TTLL5: variants seen among roughly 807,000 people sequenced by gnomAD.
TTLL5 encodes the protein tubulin polyglutamylase TTLL5.
TTLL5 carries 132 observed loss-of-function variants against 168.4 expected under a neutral mutation model. That is an observed-to-expected ratio of 0.78 (90% CI 0.68 to 0.91). The LOEUF (loss-of-function observed/expected upper bound fraction) is 0.91. Among genes scored for constraint, TTLL5 ranks in the 40% least tolerant of loss-of-function variants. The pLI is 0.00. For missense variants in TTLL5, 1,545 were observed against 1,581.5 expected, an observed-to-expected ratio of 0.98 and a Z score of 0.39; for synonymous variants, 546 against 558.6, an observed-to-expected ratio of 0.98 and a Z score of 0.32.
chr14:75,811,183 G>GTGTGTGTGTGTA (rs752399420), intron 27 of TTLL5, among the ~76,000 whole-genome samples: 124 of 121,572 alleles, frequency 1.0e-3, no homozygotes, highest in African/African-American at 3.1e-3. Context: ...GTGTGTGTGT[G>GTGTGTGTGTGTA]TGTGTATGTG....
chr14:75,769,183 T>A (rs1366229421), intron 20 of TTLL5, among the ~76,000 whole-genome samples: 2 of 152,214 alleles, frequency 1.3e-5, no homozygotes, highest in African/African-American at 4.8e-5. Context: ...ATGAGTAAAC[T>A]GTTAAAATTG....
At chr14:75,819,820 C>T (rs1894727739) in intron 27 of TTLL5, among the ~76,000 whole-genome samples, 187 bp from the exon 28 acceptor site, 1 of 152,222 alleles carries the variant, frequency 6.6e-6, no homozygotes, top group Non-Finnish European at 1.5e-5. Flanking sequence ...TACACTGACA[C>T]TGACCACTCT....
chr14:75,897,870 A>G (rs994029857), intron 30 of TTLL5, among the ~76,000 whole-genome samples: 2 of 152,150 alleles, frequency 1.3e-5, no homozygotes, highest in Non-Finnish European at 2.9e-5. Context: ...CTTACTCTCA[A>G]CCTTTCACTA....
chr14:75,677,166 T>C (rs1594853163), intron 3 of TTLL5, among the ~76,000 whole-genome samples: 2 of 152,232 alleles, frequency 1.3e-5, no homozygotes, highest in Admixed American at 1.3e-4. Context: ...TAAAAATAAT[T>C]TATACTGTGT....
intron 18 of TTLL5, among the ~76,000 whole-genome samples, chr14:75,760,038 G>T (rs1226303812): frequency 6.6e-6 from 1 of 152,082 alleles, no homozygotes; most frequent in Non-Finnish European, 1.5e-5. Context: ...AATGCACACA[G>T]ATTGGAAAGG....
intron 7 of TTLL5, among the ~76,000 whole-genome samples, chr14:75,701,820 G>A (rs972206805): frequency 6.6e-6 from 1 of 152,178 alleles, no homozygotes; most frequent in Non-Finnish European, 1.5e-5. Flanking sequence ...GCCTCCTTGG[G>A]AAGGTCACTC....
intron 29 of TTLL5, among the ~76,000 whole-genome samples, chr14:75,874,380 C>T (rs572619150): frequency 2.0e-5 from 3 of 152,308 alleles, no homozygotes; most frequent in Admixed American, 6.5e-5. Flanking sequence ...GTGTGAGCCA[C>T]CGCACCTGGC....
intron 15 of TTLL5, among the ~76,000 whole-genome samples, chr14:75,741,209 T>C (rs890230235): frequency 6.6e-6 from 1 of 152,234 alleles, no homozygotes; most frequent in African/African-American, 2.4e-5. Context: ...GTACTATTGA[T>C]AAATTCATCT....
At chr14:75,801,597 C>T (rs1893330072) in intron 27 of TTLL5, among the ~76,000 whole-genome samples, 1 of 151,998 alleles carries the variant, frequency 6.6e-6, no homozygotes, top group Non-Finnish European at 1.5e-5. Context: ...ATTAACCATC[C>T]CTACTTCCCC....
At chr14:75,893,111 G>A (rs766583129) in intron 30 of TTLL5, among the ~76,000 whole-genome samples, 1 of 152,142 alleles carries the variant, frequency 6.6e-6, no homozygotes, top group Admixed American at 6.5e-5. Context: ...CTTTAAAACA[G>A]TCAGACATGT....
At chr14:75,844,794 T>G (rs984788790) in intron 28 of TTLL5, among the ~76,000 whole-genome samples, 1 of 152,214 alleles carries the variant, frequency 6.6e-6, no homozygotes, top group Non-Finnish European at 1.5e-5. Flanking sequence ...TTTTTTAGCC[T>G]TTTCATTGCA....
At chr14:75,680,281 A>G (rs1299826314) in intron 3 of TTLL5, among the ~76,000 whole-genome samples, 1 of 152,142 alleles carries the variant, frequency 6.6e-6, no homozygotes, top group Non-Finnish European at 1.5e-5. Context: ...AATGTGATTG[A>G]GTGAGGCAGG....
intron 31 of TTLL5, among the ~76,000 whole-genome samples, chr14:75,903,631 C>T (rs1465513096): frequency 6.6e-6 from 1 of 151,916 alleles, no homozygotes; most frequent in East Asian, 1.9e-4. Flanking sequence ...AGGCCAGGTA[C>T]AGTGGCTCAT....
At chr14:75,664,792 A>C (rs1054976676) in intron 2 of TTLL5, among the ~76,000 whole-genome samples, 3 of 152,198 alleles carry the variant, frequency 2.0e-5, no homozygotes, top group Admixed American at 2.0e-4. Flanking sequence ...CATTTCATAA[A>C]ACTTTTAACT....
chr14:75,707,222 C>A, intron 8 of TTLL5, 135 bp downstream of exon 8: 1 of 688,944 alleles, frequency 1.5e-6, no homozygotes, highest in Non-Finnish European at 2.5e-6. Context: ...AGAAAGGCAG[C>A]AGGTTCCTTA....
chr14:75,828,571 G>T (rs941700912), intron 28 of TTLL5, among the ~76,000 whole-genome samples: 1 of 150,802 alleles, frequency 6.6e-6, no homozygotes, highest in Admixed American at 6.6e-5. Context: ...GAGTTTTTGT[G>T]GGGGGTCAGA....
chr14:75,902,641 T>C (rs1432764631), intron 31 of TTLL5: 2 of 457,818 alleles, frequency 4.4e-6, no homozygotes, highest in South Asian at 1.5e-5. Context: ...TTGAAGTTTA[T>C]GCGTGGATGC....
chr14:75,708,852 G>A (rs1372753053), intron 9 of TTLL5, among the ~76,000 whole-genome samples: 1 of 152,072 alleles, frequency 6.6e-6, no homozygotes, highest in African/African-American at 2.4e-5. Context: ...TTCTTTTTAT[G>A]CGTAGTGCCT....
At chr14:75,690,132 T>C in intron 5 of TTLL5, 60 bp from the exon 6 acceptor site, 1 of 1,595,370 alleles carries the variant, frequency 6.3e-7, no homozygotes, top group Non-Finnish European at 8.6e-7. Context: ...TAGAATGTGA[T>C]AACACAGGAA....
Sources: gnomAD v4.1 joint callset for allele counts (sites outside exome capture counted in the v4.1 genomes callset) on GRCh38, gnomAD v4.1.1 for gene constraint, MANE v1.5 for transcripts, NCBI Gene and HGNC (gene_info 2026-07-23, HGNC 2026-07-21) for gene names.